Variants in PRKG2 observed in about 807,000 individuals in gnomAD.
The protein encoded by PRKG2 is protein kinase cGMP-dependent 2.
A neutral mutation model predicts 97.2 loss-of-function variants in PRKG2; 33 were observed. That is an observed-to-expected ratio of 0.34 (90% CI 0.26 to 0.45). PRKG2 has a LOEUF of 0.45. Among genes scored for constraint, PRKG2 ranks in the 20% least tolerant of loss-of-function variants. The probability of loss-of-function intolerance (pLI) is 1.00; values close to 1 mark genes in which losing one functional copy is unlikely to be tolerated. For missense variants in PRKG2, 638 were observed against 900.0 expected (o/e 0.71, Z 3.73); for synonymous variants, 330 against 321.8 (o/e 1.03, Z -0.27).
intron 2 of PRKG2, among the ~76,000 whole-genome samples, chr4:81,202,429 T>G (rs1753372904): frequency 6.6e-6 from 1 of 152,222 alleles, no homozygotes; most frequent in Non-Finnish European, 1.5e-5. Context: ...TAAAAAAGAA[T>G]GTTTCCATTT....
At chr4:81,185,893 T>C (rs903206164) in intron 2 of PRKG2, among the ~76,000 whole-genome samples, 28 of 152,094 alleles carry the variant, frequency 1.8e-4, no homozygotes, top group African/African-American at 6.8e-4. Flanking sequence ...TACATAATGG[T>C]AAAGGAATCA....
intron 17 of PRKG2, among the ~76,000 whole-genome samples, chr4:81,100,445 CA>C (rs1322801977): frequency 1.3e-5 from 2 of 152,058 alleles, no homozygotes; most frequent in African/African-American, 4.8e-5. Flanking sequence ...ACAAACCTGA[CA>C]AAAACAAGAA....
intron 2 of PRKG2, among the ~76,000 whole-genome samples, chr4:81,182,587 C>T (rs984498573): frequency 1.3e-5 from 2 of 151,808 alleles, no homozygotes; most frequent in Non-Finnish European, 2.9e-5. Context: ...AATATGTAAA[C>T]ATAGGAAAAG....
chr4:81,210,053 C>T (rs1002106375), intron 1 of PRKG2, among the ~76,000 whole-genome samples: 13 of 151,916 alleles, frequency 8.6e-5, no homozygotes, highest in Admixed American at 3.3e-4. Flanking sequence ...ATCTAGATAC[C>T]GATCTTATAA....
intron 11 of PRKG2, among the ~76,000 whole-genome samples, chr4:81,142,002 A>C (rs1747342271): frequency 6.6e-6 from 1 of 152,176 alleles, no homozygotes; most frequent in Non-Finnish European, 1.5e-5. Flanking sequence ...CCAGAAGATA[A>C]GGTATGGTGA....
intron 2 of PRKG2, chr4:81,193,001 AT>A (rs1752676344): frequency 6.6e-6 from 1 of 152,320 alleles, no homozygotes; most frequent in African/African-American, 2.4e-5. Context: ...CTGGGCTCAT[AT>A]ATTAGAGGTC....
intron 17 of PRKG2, among the ~76,000 whole-genome samples, chr4:81,103,494 G>A (rs1230499510): frequency 6.6e-6 from 1 of 151,030 alleles, no homozygotes; most frequent in Non-Finnish European, 1.5e-5. Context: ...ATAATATGAG[G>A]GTTAAGAATT....
At chr4:81,137,172 G>A (rs1746792140) in intron 13 of PRKG2, among the ~76,000 whole-genome samples, 1 of 151,848 alleles carries the variant, frequency 6.6e-6, no homozygotes, top group Non-Finnish European at 1.5e-5. Context: ...CTCCTCTCTA[G>A]TCTGGGATTC....
chr4:81,146,759 C>A (rs1246012834), intron 9 of PRKG2, among the ~76,000 whole-genome samples: 1 of 152,050 alleles, frequency 6.6e-6, no homozygotes, highest in Non-Finnish European at 1.5e-5. Flanking sequence ...CATGGAGAGA[C>A]AGATGTTAAA....
chr4:81,187,059 G>A (rs138797082), intron 2 of PRKG2, among the ~76,000 whole-genome samples: 15 of 152,230 alleles, frequency 9.9e-5, no homozygotes, highest in African/African-American at 3.6e-4. Flanking sequence ...AAGAGGAGCT[G>A]ATACCATTCC....
At chr4:81,198,753 T>G (rs1753116418) in intron 2 of PRKG2, among the ~76,000 whole-genome samples, 1 of 152,202 alleles carries the variant, frequency 6.6e-6, no homozygotes, top group African/African-American at 2.4e-5. Flanking sequence ...GTCTGAGGCC[T>G]TCATGAGTTA....
intron 2 of PRKG2, among the ~76,000 whole-genome samples, chr4:81,177,634 A>G (rs1751050165): frequency 6.6e-6 from 1 of 152,104 alleles, no homozygotes; most frequent in Non-Finnish European, 1.5e-5. Context: ...CAGAAGGCGG[A>G]AGTTGTAGTG....
At chr4:81,150,301 T>G (rs1055247968) in intron 8 of PRKG2, among the ~76,000 whole-genome samples, 2 of 152,172 alleles carry the variant, frequency 1.3e-5, no homozygotes, top group African/African-American at 4.8e-5. Flanking sequence ...ATTAGATGTA[T>G]GCAAATACAC....
chr4:81,122,370 G>C (rs1299908591), intron 14 of PRKG2, among the ~76,000 whole-genome samples: 1 of 152,118 alleles, frequency 6.6e-6, no homozygotes, highest in Non-Finnish European at 1.5e-5. Context: ...GAGTTTCCAT[G>C]ATCCTTTAGT....
chr4:81,195,323 C>T (rs1752892190), intron 2 of PRKG2, among the ~76,000 whole-genome samples: 1 of 152,140 alleles, frequency 6.6e-6, no homozygotes, highest in African/African-American at 2.4e-5. Context: ...GAACCTGAAA[C>T]GTGGCCTGGC....
Position 81,148,933 on chromosome 4 carries a change from TAGC to T in PRKG2, c.1102_1104del (p.Ala368del). ...ACATCATTTTCTTCAGCAATAATGTTAGCTGACCTGACATCATCACTGCAAACA... is the reference window on the plus strand; with the variant it reads ...ACATCATTTTCTTCAGCAATAATGTTTGACCTGACATCATCACTGCAAACA... On this transcript the variant is annotated inframe_deletion, in exon 9 of 19. Coordinates refer to ENST00000264399, the MANE Select transcript of PRKG2 (RefSeq NM_006259.3). 6.2e-7 allele frequency: 1 copy of T among 1,613,780 alleles called. No individual in the cohort carries two copies. The highest frequency in any genetic ancestry group is 8.5e-7 in the Non-Finnish European group (1 of 1,179,694).
intron 5 of PRKG2, among the ~76,000 whole-genome samples, chr4:81,169,061 C>A (rs1750235307): frequency 6.6e-6 from 1 of 151,852 alleles, no homozygotes; most frequent in African/African-American, 2.4e-5. Context: ...TTCACTTACA[C>A]AGACATTTAT....
intron 5 of PRKG2, among the ~76,000 whole-genome samples, 192 bp downstream of exon 5, chr4:81,169,471 A>G (rs893028051): frequency 6.6e-6 from 1 of 152,102 alleles, no homozygotes; most frequent in Non-Finnish European, 1.5e-5. Context: ...ATGAGTATAC[A>G]AGGATAATAG....
chr4:81,168,920 T>A (rs1347466455), intron 5 of PRKG2, among the ~76,000 whole-genome samples: 2 of 151,906 alleles, frequency 1.3e-5, no homozygotes, highest in African/African-American at 4.8e-5. Flanking sequence ...TTATTACATA[T>A]CATAGATAAC....
Sources: gnomAD v4.1 joint callset for allele counts (sites outside exome capture counted in the v4.1 genomes callset) on GRCh38, gnomAD v4.1.1 for gene constraint, MANE v1.5 for transcripts, NCBI Gene and HGNC (gene_info 2026-07-23, HGNC 2026-07-21) for gene names.